The following OPHN1 variants were observed in gnomAD, a reference collection of about 807,000 sequenced individuals.
OPHN1 encodes oligophrenin-1.
OPHN1 carries 11 observed loss-of-function variants against 60.7 expected under a neutral mutation model. That is an observed-to-expected ratio of 0.18 (90% CI 0.11 to 0.30). The LOEUF is 0.30. Among genes scored for constraint, OPHN1 ranks in the 10% least tolerant of loss-of-function variants. The pLI, the probability that OPHN1 is intolerant of heterozygous loss-of-function variation, is 1.00. For missense variants in OPHN1, 449 were observed against 611.0 expected (o/e 0.73, Z 2.80); for synonymous variants, 226 against 222.6 (o/e 1.02, Z -0.14).
chrX:68,395,146 G>T (rs1285577914), intron 2 of OPHN1, among the ~76,000 whole-genome samples: 1 of 105,049 alleles, frequency 9.5e-6, no homozygotes, highest in African/African-American at 3.5e-5. Flanking sequence ...TGGTAGAGAT[G>T]GGGTTTCACC....
chrX:68,389,657 T>TAAAA (rs34892434), intron 2 of OPHN1, among the ~76,000 whole-genome samples: 2,134 of 88,531 alleles, frequency 0.024, 36 homozygotes, highest in Non-Finnish European at 0.036. Context: ...TGTGATTTAG[T>TAAAA]AAAAAAAAAA....
At chrX:68,089,005 A>G (rs1238512991) in intron 19 of OPHN1, among the ~76,000 whole-genome samples, 1 of 111,578 alleles carries the variant, frequency 9.0e-6, no homozygotes, top group East Asian at 2.8e-4. Context: ...CTAAGAAAGT[A>G]GCAATGACCC....
intron 19 of OPHN1, among the ~76,000 whole-genome samples, chrX:68,083,054 C>CTTTTTT (rs869083899): frequency 0.019 from 697 of 37,455 alleles, 161 homozygotes; most frequent in African/African-American, 0.023. Flanking sequence ...CTGCTAGTTT[C>CTTTTTT]TTTTTTTTTT....
chrX:68,189,268 G>A (rs1007659025), intron 15 of OPHN1, among the ~76,000 whole-genome samples: 1 of 111,827 alleles, frequency 8.9e-6, no homozygotes, highest in East Asian at 2.8e-4. Context: ...AGACTATAAC[G>A]ACAATGGGGG....
chrX:68,134,916 G>T (rs996921907), intron 15 of OPHN1, among the ~76,000 whole-genome samples: 2 of 111,230 alleles, frequency 1.8e-5, no homozygotes, highest in African/African-American at 6.5e-5. Flanking sequence ...TGAGCAGGTA[G>T]AAGTATACAT....
intron 16 of OPHN1, among the ~76,000 whole-genome samples, chrX:68,113,592 C>T (rs2077114008): frequency 9.0e-6 from 1 of 110,940 alleles, no homozygotes; most frequent in Non-Finnish European, 1.9e-5. Context: ...TTGCAATTGT[C>T]CTCCCAATAA....
intron 4 of OPHN1, among the ~76,000 whole-genome samples, chrX:68,279,732 A>G (rs1435938205): frequency 8.9e-6 from 1 of 111,749 alleles, no homozygotes; most frequent in Non-Finnish European, 1.9e-5. Flanking sequence ...AAGCCTAACC[A>G]TCTCAGCATT....
intron 19 of OPHN1, among the ~76,000 whole-genome samples, chrX:68,090,914 T>C (rs758674096): frequency 1.3e-4 from 15 of 111,606 alleles, no homozygotes; most frequent in Non-Finnish European, 2.5e-4. Flanking sequence ...CCCAGAAAAC[T>C]ATACTTAACA....
At position 68,046,462 on chromosome X, in the gene OPHN1, T is replaced by C. The variant is rs1052747185; in HGVS notation, c.*710A>G. ...GAATAATCCAAATAGACCTAGGCTT[T>C]TACATGCAAAACATGCTTTGCAGAT... On this transcript the variant is annotated 3_prime_UTR_variant, in exon 25 of 25. Transcript: ENST00000355520. 1 of 112,393 alleles carries C rather than the reference T, an allele frequency of 8.9e-6. No individual in the cohort carries two copies. Among genetic ancestry groups the C allele is most frequent in the Admixed American group, 9.4e-5 (1 of 10,660 alleles). 9.3% of individuals were successfully genotyped at this position (112,393 alleles called of 1,213,427 possible). A position where few individuals can be genotyped will look rare whatever the true frequency, so the allele number is the denominator to read the frequency against.
chrX:68,431,016 A>G (rs1767399193), intron 2 of OPHN1, among the ~76,000 whole-genome samples: 2 of 111,383 alleles, frequency 1.8e-5, no homozygotes, highest in African/African-American at 6.5e-5. Flanking sequence ...TCACAAAGCC[A>G]TTCTGTTCCT....
chrX:68,251,708 A>G (rs1051489174), intron 5 of OPHN1, among the ~76,000 whole-genome samples: 3 of 111,446 alleles, frequency 2.7e-5, no homozygotes, highest in Non-Finnish European at 5.6e-5. Context: ...TCAAGGTCAT[A>G]CTAAAAAAGT....
Position 68,119,219 on chromosome X carries a change from A to G in OPHN1, c.1361+29T>C, listed in dbSNP as rs2077140057. On this transcript the variant is annotated intron_variant, in intron 16 of 24. Transcript: ENST00000355520. ...CAGAGAAATTTCACCAGCTATGAAA[A>G]GCAAACTCCCAATTCAAATCAGGCA... 4.5e-6 allele frequency: 5 copies of G among 1,104,037 alleles called. No homozygotes were observed. In the East Asian group the frequency reaches 1.5e-4, roughly 33 times the overall value. 91.0% of individuals were successfully genotyped at this position (1,104,037 alleles called of 1,213,427 possible). A position where few individuals can be genotyped will look rare whatever the true frequency, so the allele number is the denominator to read the frequency against.
At chrX:68,212,852 C>T (rs997063542) in intron 7 of OPHN1, among the ~76,000 whole-genome samples, 1 of 112,292 alleles carries the variant, frequency 8.9e-6, no homozygotes, top group South Asian at 3.7e-4. Flanking sequence ...TCAGCAACCA[C>T]AAACAATAGG....
At chrX:68,407,979 G>T (rs751212300) in intron 2 of OPHN1, among the ~76,000 whole-genome samples, 102 of 112,242 alleles carry the variant, frequency 9.1e-4, no homozygotes, top group Middle Eastern at 4.7e-3. Flanking sequence ...GTTGGTGGTG[G>T]TGTTGTTTAG....
At chrX:68,096,843 C>T in intron 19 of OPHN1, 27 bp downstream of exon 19, 1 of 1,199,531 alleles carries the variant, frequency 8.3e-7, no homozygotes, top group Non-Finnish European at 1.1e-6. Context: ...GTTTGGAAGA[C>T]AGGTAGTGAG....
intron 19 of OPHN1, among the ~76,000 whole-genome samples, chrX:68,091,760 G>A (rs142157529): frequency 1.3e-3 from 149 of 110,861 alleles, no homozygotes; most frequent in African/African-American, 4.5e-3. Flanking sequence ...CAAAATGTTC[G>A]GAAAACAGAA....
rs151305887 is a variant in OPHN1 at position 68,353,834 on chromosome X, G to T, written c.155-54738C>A. Among the ~76,000 whole-genome samples the T allele has an allele frequency of 3.6e-3, 404 of 111,087 alleles. No individual in the cohort carries two copies. In the Middle Eastern group the frequency reaches 0.047, roughly 13 times the overall value. On this transcript the variant is annotated intron_variant, in intron 2 of 24. Coordinates refer to ENST00000355520, the MANE Select transcript of OPHN1 (RefSeq NM_002547.3). ...ACACTCAAAGGAGCTACACCACAAG[G>T]CATAAATTAGTCTTTTTTTCTTCCT... is the stretch of plus-strand genomic sequence containing the variant.
chrX:68,370,011 A>AATAT (rs761607454), intron 2 of OPHN1, among the ~76,000 whole-genome samples: 1,906 of 64,247 alleles, frequency 0.03, 88 homozygotes, highest in African/African-American at 0.059. Flanking sequence ...AAATTGCTGA[A>AATAT]ATATATATAT....
At chrX:68,159,576 G>A (rs988151214) in intron 15 of OPHN1, among the ~76,000 whole-genome samples, 1 of 111,868 alleles carries the variant, frequency 8.9e-6, no homozygotes, top group African/African-American at 3.2e-5. Flanking sequence ...CTCAGGTTCA[G>A]TAAAAGACAA....
Sources: allele counts gnomAD v4.1 joint callset (sites outside exome capture counted in the v4.1 genomes callset), GRCh38; gene constraint gnomAD v4.1.1; transcripts MANE v1.5; gene names NCBI Gene and HGNC (gene_info 2026-07-23, HGNC 2026-07-21).